The following ITPRID1 variants were observed in gnomAD, a reference collection of about 807,000 sequenced individuals.
ITPRID1 encodes the protein protein ITPRID1.
In ITPRID1, 96 loss-of-function variants were observed where a neutral mutation model predicts 95.4. The ratio of observed to expected loss-of-function variants is 1.01; its 90% CI spans 0.85 to 1.19. ITPRID1 has a LOEUF of 1.19. Among genes scored for constraint, ITPRID1 ranks in the 50% most tolerant of loss-of-function variants. ITPRID1 has a pLI of 0.00. For synonymous variants in ITPRID1, 510 were observed against 453.6 expected, an observed-to-expected ratio of 1.12 and a Z score of -1.58; for missense variants, 1,339 against 1,252.9, an observed-to-expected ratio of 1.07 and a Z score of -1.04.
chr7:31,596,778 T>C (rs977692664), intron 10 of ITPRID1, among the ~76,000 whole-genome samples: 4 of 151,600 alleles, frequency 2.6e-5, no homozygotes, highest in Non-Finnish European at 4.4e-5. Flanking sequence ...TATTGGAATA[T>C]AGAGAATGGT....
chr7:31,634,141 TCTC>T (rs1161077956), intron 10 of ITPRID1, among the ~76,000 whole-genome samples: 5 of 152,266 alleles, frequency 3.3e-5, no homozygotes, highest in Admixed American at 2.0e-4. Flanking sequence ...GAGGCGTCTG[TCTC>T]CTCCTAGGCA....
intron 10 of ITPRID1, among the ~76,000 whole-genome samples, chr7:31,603,813 A>G (rs1786499895): frequency 1.3e-5 from 2 of 151,980 alleles, no homozygotes; most frequent in African/African-American, 2.4e-5. Context: ...CTGTAGCTAC[A>G]TTGCTCCTTT....
chr7:31,543,493 T>G (rs1783996208), intron 1 of ITPRID1, among the ~76,000 whole-genome samples: 1 of 143,862 alleles, frequency 7.0e-6, no homozygotes, highest in Non-Finnish European at 1.6e-5. Flanking sequence ...TGTTTACTAG[T>G]GTCTCATTGT....
At chr7:31,529,587 C>T in intron 1 of ITPRID1, 1 of 550,512 alleles carries the variant, frequency 1.8e-6, no homozygotes, top group Middle Eastern at 4.6e-4. Context: ...TGTGTCTTTA[C>T]CCTCAACTTG....
At chr7:31,545,906 T>C (rs1205945209) in intron 1 of ITPRID1, among the ~76,000 whole-genome samples, 1 of 152,144 alleles carries the variant, frequency 6.6e-6, no homozygotes, top group African/African-American at 2.4e-5. Flanking sequence ...CAGAAGGACA[T>C]TCCTGGCTTG....
At chr7:31,592,307 T>G (rs545251452) in intron 10 of ITPRID1, among the ~76,000 whole-genome samples, 1 of 152,300 alleles carries the variant, frequency 6.6e-6, no homozygotes, top group African/African-American at 2.4e-5. Context: ...AACAAATTAC[T>G]CAATCTCTAT....
At chr7:31,547,692 T>G (rs1476994633) in intron 1 of ITPRID1, among the ~76,000 whole-genome samples, 1 of 152,054 alleles carries the variant, frequency 6.6e-6, no homozygotes. Flanking sequence ...AATAGAGGAA[T>G]CAGAGAAGAC....
At chr7:31,546,851 G>T (rs1264028570) in intron 1 of ITPRID1, among the ~76,000 whole-genome samples, 1 of 152,046 alleles carries the variant, frequency 6.6e-6, no homozygotes, top group Non-Finnish European at 1.5e-5. Flanking sequence ...GGCCTTTAAA[G>T]CCACACTCAT....
chr7:31,523,289 G>C (rs1162323145), intron 1 of ITPRID1, among the ~76,000 whole-genome samples: 1 of 152,196 alleles, frequency 6.6e-6, no homozygotes, highest in Non-Finnish European at 1.5e-5. Context: ...TGAGATGTAT[G>C]GATTTAACTA....
At chr7:31,584,783 G>A (rs1052447504) in intron 10 of ITPRID1, among the ~76,000 whole-genome samples, 71 of 152,340 alleles carry the variant, frequency 4.7e-4, no homozygotes, top group African/African-American at 1.6e-3. Flanking sequence ...ATAACTGTGT[G>A]TGTAATCACT....
At chr7:31,642,032 G>A (rs548585624) in intron 10 of ITPRID1, 144 bp from the exon 11 acceptor site, 1 of 509,842 alleles carries the variant, frequency 2.0e-6, no homozygotes, top group African/African-American at 1.9e-5. Context: ...AAATGTCCTT[G>A]GAATTCCCTC....
At chr7:31,632,865 T>C (rs1789138815) in intron 10 of ITPRID1, among the ~76,000 whole-genome samples, 1 of 151,426 alleles carries the variant, frequency 6.6e-6, no homozygotes, top group Non-Finnish European at 1.5e-5. Flanking sequence ...GAGATTTTTA[T>C]TTTTATTTAT....
chr7:31,613,981 C>T (rs533290001), intron 10 of ITPRID1, among the ~76,000 whole-genome samples: 1 of 152,324 alleles, frequency 6.6e-6, no homozygotes, highest in Admixed American at 6.5e-5. Context: ...GGATTGTTCA[C>T]ATTTTTCAGA....
intron 10 of ITPRID1, 124 bp downstream of exon 10, chr7:31,583,315 T>C: frequency 1.6e-6 from 1 of 629,948 alleles, no homozygotes; most frequent in Non-Finnish European, 2.7e-6. Context: ...AATTCATGCA[T>C]CTTCTGAGAT....
chr7:31,560,113 G>C (rs565054960), intron 5 of ITPRID1, among the ~76,000 whole-genome samples: 1 of 152,308 alleles, frequency 6.6e-6, no homozygotes, highest in East Asian at 1.9e-4. Flanking sequence ...CCTGAAAGAA[G>C]TGAAGGAGGG....
At chr7:31,536,108 G>T (rs182677679) in intron 1 of ITPRID1, among the ~76,000 whole-genome samples, 2 of 151,944 alleles carry the variant, frequency 1.3e-5, no homozygotes, top group African/African-American at 2.4e-5. Context: ...TCAAAAATAC[G>T]GACGATCACT....
intron 10 of ITPRID1, among the ~76,000 whole-genome samples, chr7:31,594,423 G>A (rs888771659): frequency 1.3e-5 from 2 of 152,182 alleles, no homozygotes; most frequent in African/African-American, 4.8e-5. Context: ...AATGGTGGTA[G>A]CTTAATAAAA....
At chr7:31,635,463 T>C (rs1174885954) in intron 10 of ITPRID1, among the ~76,000 whole-genome samples, 1 of 152,250 alleles carries the variant, frequency 6.6e-6, no homozygotes, top group Non-Finnish European at 1.5e-5. Context: ...GATCTCATCA[T>C]TCAAGTGAGG....
chr7:31,545,232 G>A (rs1784059158), intron 1 of ITPRID1, among the ~76,000 whole-genome samples: 1 of 152,134 alleles, frequency 6.6e-6, no homozygotes, highest in South Asian at 2.1e-4. Flanking sequence ...TCTGCATTTA[G>A]TGGGGTCAAG....
Sources: allele counts gnomAD v4.1 joint callset (sites outside exome capture counted in the v4.1 genomes callset), GRCh38; gene constraint gnomAD v4.1.1; transcripts MANE v1.5; gene names NCBI Gene and HGNC (gene_info 2026-07-23, HGNC 2026-07-21).